Variants in ARHGEF18 observed in about 807,000 individuals in gnomAD.
ARHGEF18 encodes rho guanine nucleotide exchange factor 18.
Under a neutral mutation model 155.7 loss-of-function variants are expected in ARHGEF18, and 93 were observed. The ratio of observed to expected loss-of-function variants is 0.60; its 90% confidence interval spans 0.50 to 0.71. ARHGEF18 has a LOEUF of 0.71. Among genes scored for constraint, ARHGEF18 ranks in the 30% least tolerant of loss-of-function variants. The pLI, the probability that ARHGEF18 is intolerant of heterozygous loss-of-function variation, is 0.00. For synonymous variants in ARHGEF18, 742 were observed against 753.1 expected, an observed-to-expected ratio of 0.99 and a Z score of 0.24; for missense variants, 1,593 against 1,816.1, an observed-to-expected ratio of 0.88 and a Z score of 2.23.
downstream of ARHGEF18, chr19:7,476,965 G>A (rs1043787344): frequency 1.0e-4 from 42 of 411,134 alleles, no homozygotes; most frequent in East Asian, 1.2e-3. Flanking sequence ...GATACAAGAC[G>A]CCAGCTGGCA....
At chr19:7,473,974 C>T (rs141310131), downstream of ARHGEF18, among the ~76,000 whole-genome samples, 301 of 150,130 alleles carry the variant, frequency 2.0e-3, no homozygotes, top group African/African-American at 7.0e-3. Context: ...CATGGTGAGA[C>T]CCTGTCTATA....
At chr19:7,376,858 G>A (rs1970482914) in intron 5 of ARHGEF18, 101 bp downstream of exon 5, 2 of 876,828 alleles carry the variant, frequency 2.3e-6, no homozygotes, top group African/African-American at 3.5e-5. Context: ...TCATCCTGGA[G>A]GGTCCCCTTG....
intron 26 of ARHGEF18, 36 bp downstream of exon 26, chr19:7,467,720 G>A: frequency 7.0e-7 from 1 of 1,432,560 alleles, no homozygotes; most frequent in Non-Finnish European, 9.1e-7. Flanking sequence ...CAGGTTGGGG[G>A]TGACCGGTTT....
Position 7,462,157 on chromosome 19 carries a change from T to A in ARHGEF18, c.2458T>A (p.Leu820Met). ...ATRLRDFQER[L>M]SMKDQLIAQS... ...CCTCCACCATCACTCTGCAGAGCGG[T>A]TGAGCATGAAAGACCAGCTGATCGC... Residue 820 changes from leucine (L) to methionine (M), a missense_variant, in exon 21 of 29, where the codon TTG becomes ATG. Transcript: ENST00000668164. This position sits in a 1 kb window ranked among gnomAD's most constrained non-coding sequence, Gnocchi z 4.4. 1.9e-6 allele frequency: 3 copies of A among 1,613,744 alleles called. No homozygotes were observed. The highest frequency in any genetic ancestry group is 2.5e-6 in the Non-Finnish European group (3 of 1,179,988).
intron 10 of ARHGEF18, among the ~76,000 whole-genome samples, chr19:7,404,322 G>A (rs1294949651): frequency 2.6e-5 from 4 of 152,026 alleles, no homozygotes; most frequent in East Asian, 1.9e-4. Context: ...GGGGCTTCTC[G>A]GGCTGCGTTC....
At chr19:7,368,694 G>A (rs527988658) in intron 2 of ARHGEF18, among the ~76,000 whole-genome samples, 3 of 152,248 alleles carry the variant, frequency 2.0e-5, no homozygotes, top group Non-Finnish European at 2.9e-5. Context: ...ATTTACAGGA[G>A]GATGAAAACC....
intron 10 of ARHGEF18, among the ~76,000 whole-genome samples, chr19:7,401,874 A>G (rs1405384084): frequency 2.0e-5 from 3 of 152,204 alleles, no homozygotes; most frequent in Non-Finnish European, 4.4e-5. Context: ...TGGTCCCGCC[A>G]TACTGTGGAA....
At chr19:7,446,913 A>T in intron 14 of ARHGEF18, 130 bp from the exon 15 acceptor site, 4 of 1,129,894 alleles carry the variant, frequency 3.5e-6, no homozygotes, top group Middle Eastern at 3.1e-4. Context: ...AAAAAAAAAG[A>T]AGAAGAAAGA....
chr19:7,397,096 C>CG (rs1600290628), intron 10 of ARHGEF18, among the ~76,000 whole-genome samples: 1 of 50,356 alleles, frequency 2.0e-5, no homozygotes, highest in African/African-American at 1.3e-4. Flanking sequence ...AGCCTTTTTG[C>CG]GAAAAAAAAA....
In ARHGEF18 at chr19:7,444,160, C is replaced by G. The variant is rs2287911; in HGVS notation, c.1361-44C>G. Reference sequence around the variant, plus strand: ...AGCACCCACGACTGCCCAGCGGGGCCGTGGAGCCAGCATGGCTAAGTCCTG... The same window carrying G: ...AGCACCCACGACTGCCCAGCGGGGCGGTGGAGCCAGCATGGCTAAGTCCTG... On this transcript the variant is annotated intron_variant, in intron 13 of 28. Coordinates refer to ENST00000668164, the MANE Select transcript of ARHGEF18 (RefSeq NM_001367823.1). This position sits in a 1 kb window ranked among gnomAD's most constrained non-coding sequence, Gnocchi z 4.7. 1 of 1,598,720 alleles carries G rather than the reference C, an allele frequency of 6.3e-7. No individual in the cohort carries two copies. The highest frequency in any genetic ancestry group is 1.7e-5 in the Admixed American group (1 of 59,574).
intron 15 of ARHGEF18, among the ~76,000 whole-genome samples, chr19:7,447,995 CATA>C (rs1248498348): frequency 2.6e-5 from 4 of 152,208 alleles, no homozygotes; most frequent in Non-Finnish European, 4.4e-5. Context: ...TACACACACA[CATA>C]TTAACAAAAT....
intron 10 of ARHGEF18, among the ~76,000 whole-genome samples, chr19:7,414,577 G>A (rs10412425): frequency 0.025 from 3,847 of 152,056 alleles, 151 homozygotes; most frequent in African/African-American, 0.088. Flanking sequence ...TTGGGAAGCT[G>A]AGGCAGGCGG....
At chr19:7,382,676 G>C in intron 8 of ARHGEF18, 116 bp from the exon 9 acceptor site, 1 of 583,264 alleles carries the variant, frequency 1.7e-6, no homozygotes, top group Non-Finnish European at 2.5e-6. Context: ...AAGGGGTAAG[G>C]CAGGACCAGG....
At position 7,468,941 on chromosome 19, in the gene ARHGEF18, C is replaced by T; in HGVS notation, c.3597C>T (p.Arg1199=). Residue 1199 remains arginine (R), a synonymous_variant, in exon 27 of 29, where the codon CGC becomes CGT. Transcript: ENST00000668164. ...ACGCAGAGCGCCCCGAGGTGGCTCG[C>T]CGGGACAGCGCCCCCACCGAGAACC... The part of the protein sequence containing the change: ...PEYAERPEVA[R]RDSAPTENRL... 1 of 1,574,346 alleles carries T rather than the reference C, an allele frequency of 6.4e-7. No individual in the cohort carries two copies. Among genetic ancestry groups the T allele is most frequent in the Non-Finnish European group, 8.6e-7 (1 of 1,161,912 alleles).
chr19:7,407,291 T>A (rs1972374975), intron 10 of ARHGEF18, among the ~76,000 whole-genome samples: 1 of 151,628 alleles, frequency 6.6e-6, no homozygotes, highest in African/African-American at 2.4e-5. Context: ...CCGGGTGTGG[T>A]GGCGGGCACC....
intron 2 of ARHGEF18, among the ~76,000 whole-genome samples, chr19:7,367,885 T>TATA (rs1568270390): frequency 6.2e-5 from 1 of 16,088 alleles, no homozygotes; most frequent in Non-Finnish European, 9.4e-5. Flanking sequence ...TATATATATT[T>TATA]TATATATATT....
intron 10 of ARHGEF18, among the ~76,000 whole-genome samples, chr19:7,411,955 G>T (rs771481712): frequency 1.1e-4 from 17 of 152,046 alleles, no homozygotes; most frequent in Admixed American, 3.9e-4. Context: ...TAATATTACA[G>T]TGTGCGTGTA....
chr19:7,456,702 C>T (rs1435141739), intron 18 of ARHGEF18, among the ~76,000 whole-genome samples: 2 of 152,200 alleles, frequency 1.3e-5, no homozygotes, highest in Non-Finnish European at 2.9e-5. Flanking sequence ...GACTGCGCCA[C>T]TGCTCTCCCG....
chr19:7,382,091 GA>G (rs1427928278), intron 8 of ARHGEF18, among the ~76,000 whole-genome samples: 1 of 152,084 alleles, frequency 6.6e-6, no homozygotes. Flanking sequence ...TGGGGTGGGG[GA>G]GGAGATAGAA....
Sources: gnomAD v4.1 joint callset for allele counts (sites outside exome capture counted in the v4.1 genomes callset) on GRCh38, gnomAD v4.1.1 for gene constraint, Gnocchi (gnomAD v3.1) non-coding constraint, MANE v1.5 for transcripts, NCBI Gene and HGNC (gene_info 2026-07-23, HGNC 2026-07-21) for gene names.